The following CHD9 variants were observed in gnomAD, a reference collection of about 807,000 sequenced individuals.
CHD9 encodes the protein chromodomain helicase DNA binding protein 9.
CHD9 carries 77 observed loss-of-function variants against 316.1 expected under a neutral mutation model. The observed-to-expected ratio is 0.24, with a 90% CI of 0.20 to 0.29. The LOEUF (loss-of-function observed/expected upper bound fraction) is 0.29, where lower values mean the gene tolerates loss of function less well. Ranked by LOEUF, CHD9 falls within the 10% of genes least tolerant of loss-of-function variation. CHD9 has a pLI of 1.00. For missense variants in CHD9, 2,763 were observed against 3,438.1 expected (o/e 0.80, Z 4.91); for synonymous variants, 1,129 against 1,158.3 (o/e 0.97, Z 0.51).
Position 53,325,148 on chromosome 16 carries a change from G to T in CHD9, c.*253G>T. 1 of 316,166 alleles carries T rather than the reference G, an allele frequency of 3.2e-6. No homozygotes were observed. 19.6% of individuals were successfully genotyped at this position (316,166 alleles called of 1,614,324 possible). A position where few individuals can be genotyped will look rare whatever the true frequency, so the allele number is the denominator to read the frequency against. On this transcript the variant is annotated 3_prime_UTR_variant, in exon 39 of 39. Transcript: ENST00000447540. ...AACAAAAGGCATTATAATTTTGTTG[G>T]GGGTTAATTTTATGAAAATTATGCT...
At chr16:53,104,811 CAA>C (rs11391135) in intron 1 of CHD9, among the ~76,000 whole-genome samples, 27 of 113,478 alleles carry the variant, frequency 2.4e-4, no homozygotes, top group Admixed American at 5.0e-4. Context: ...AACTCTGTCT[CAA>C]AAAAAAAAAA....
intron 17 of CHD9, among the ~76,000 whole-genome samples, chr16:53,253,947 C>T (rs1266495252): frequency 2.0e-5 from 3 of 152,214 alleles, no homozygotes; most frequent in South Asian, 2.1e-4. Context: ...GAGGTTGGGG[C>T]GGGTGGATCA....
Position 53,307,808 on chromosome 16 carries a change from G to T in CHD9, c.6908G>T (p.Ser2303Ile), listed in dbSNP as rs755723208. 7.4e-6 allele frequency: 12 copies of T among 1,613,524 alleles called. No homozygotes were observed. Among genetic ancestry groups the T allele is most frequent in the African/African-American group, 1.3e-5 (1 of 74,930 alleles). ...TTCTATACCACAAAACTGCTGGACA[G>T]CCCTGGAGCAGCTACAGAATACAGC... Reference protein sequence around the residue: ...ASFYTTKLLDSPGAATEYSDP... With the variant: ...ASFYTTKLLDIPGAATEYSDP... Residue 2303 changes from serine (S) to isoleucine (I), a missense_variant, in exon 33 of 39, where the codon AGC becomes ATC. This residue lies in a region of CHD9 where 663 missense variants were observed against 751.2 expected (regional missense o/e 0.88). Transcript: ENST00000447540.
At chr16:53,114,005 A>G (rs1455947863) in intron 1 of CHD9, among the ~76,000 whole-genome samples, 2 of 151,938 alleles carry the variant, frequency 1.3e-5, no homozygotes, top group Non-Finnish European at 2.9e-5. Flanking sequence ...CCCAACCTTT[A>G]TTAACATATG....
At chr16:53,195,651 G>A (rs1410864320) in intron 2 of CHD9, among the ~76,000 whole-genome samples, 1 of 151,988 alleles carries the variant, frequency 6.6e-6, no homozygotes, top group Admixed American at 6.6e-5. Context: ...GCTCAGAGAA[G>A]GCCTAAGCGC....
In CHD9 at chr16:53,324,628, T is replaced by C. The variant is rs1454942900; in HGVS notation, c.8427T>C (p.Thr2809=). 2 of 1,613,628 alleles carry C rather than the reference T, an allele frequency of 1.2e-6. No homozygotes were observed. Among genetic ancestry groups the C allele is most frequent in the Non-Finnish European group, 1.7e-6 (2 of 1,179,812 alleles). ...SNILYPGMLL[T]PGLNLHIPTL... is the part of the protein sequence containing the mutation. ...TACTTTATCCAGGGATGCTTCTCAC[T>C]CCAGGCCTTAATCTTCATATTCCAA... Residue 2809 remains threonine (T), a synonymous_variant, in exon 39 of 39, where the codon ACT becomes ACC. Coordinates refer to ENST00000447540, the MANE Select transcript of CHD9 (RefSeq NM_001308319.2).
At chr16:53,302,673 C>CTTACATCT (rs2055553973) in intron 30 of CHD9, among the ~76,000 whole-genome samples, 1 of 152,072 alleles carries the variant, frequency 6.6e-6, no homozygotes, top group Non-Finnish European at 1.5e-5. Flanking sequence ...AAGGATGTTT[C>CTTACATCT]ATTCTCTCTC....
In CHD9 at chr16:53,099,935, G is replaced by A. The variant is rs925360700; in HGVS notation, c.-165+44858G>A. On this transcript the variant is annotated intron_variant, in intron 1 of 38. Coordinates refer to ENST00000447540, the MANE Select transcript of CHD9 (RefSeq NM_001308319.2). ...TTAGGAGGCTGGTGGCTGTGTGCAG[G>A]GCGGGGGAGGAGGAGGTGGGGAGTT... 2.9e-4 allele frequency among the ~76,000 whole-genome samples: 44 copies of A among 152,354 alleles called. 1 individual carries two copies. In the Middle Eastern group the frequency reaches 0.01, roughly 35 times the overall value.
intron 1 of CHD9, among the ~76,000 whole-genome samples, chr16:53,072,333 T>TA (rs779430855): frequency 1.8e-4 from 27 of 151,326 alleles, no homozygotes; most frequent in Admixed American, 3.9e-4. Context: ...TTTTTTTTTT[T>TA]ATAATTGGGA....
chr16:53,111,137 C>G (rs117149766), intron 1 of CHD9, among the ~76,000 whole-genome samples: 1 of 152,164 alleles, frequency 6.6e-6, no homozygotes, highest in Non-Finnish European at 1.5e-5. Flanking sequence ...GTCCCACAAA[C>G]TCACTGTGCA....
intron 1 of CHD9, among the ~76,000 whole-genome samples, chr16:53,094,640 T>TC (rs2036230321): frequency 7.2e-6 from 1 of 138,198 alleles, no homozygotes; most frequent in Non-Finnish European, 1.7e-5. Flanking sequence ...GTTTACTTTT[T>TC]CTTTTTTTTT....
intron 2 of CHD9, among the ~76,000 whole-genome samples, chr16:53,178,639 CG>C (rs1388803781): frequency 2.0e-5 from 3 of 151,666 alleles, no homozygotes; most frequent in African/African-American, 7.3e-5. Flanking sequence ...TTTTTTTATT[CG>C]TTGTAGAGAT....
Position 53,155,975 on chromosome 16 carries a change from G to T in CHD9, c.-115G>T. 1.1e-6 allele frequency: 1 copy of T among 888,430 alleles called. No homozygotes were observed. Among genetic ancestry groups the T allele is most frequent in the Non-Finnish European group, 1.7e-6 (1 of 589,670 alleles). 55.0% of individuals were successfully genotyped at this position (888,430 alleles called of 1,614,324 possible). ...ATTATTTAGAGCAATAATGAATATTGACCTGTTTTGGATTAGTTGATGACC... is the reference window on the plus strand; with the variant it reads ...ATTATTTAGAGCAATAATGAATATTTACCTGTTTTGGATTAGTTGATGACC... On this transcript the variant is annotated 5_prime_UTR_variant, in exon 2 of 39. Transcript: ENST00000447540.
At chr16:53,095,041 T>C (rs1003622285) in intron 1 of CHD9, among the ~76,000 whole-genome samples, 2 of 152,192 alleles carry the variant, frequency 1.3e-5, no homozygotes, top group Non-Finnish European at 2.9e-5. Flanking sequence ...CTGCATCTGG[T>C]AATTTGTTAT....
chr16:53,110,499 G>A (rs537743201), intron 1 of CHD9, among the ~76,000 whole-genome samples: 2 of 152,264 alleles, frequency 1.3e-5, no homozygotes, highest in South Asian at 2.1e-4. Context: ...CGTAGCTCAC[G>A]CCTGTAATCC....
chr16:53,123,422 G>A (rs542695579), intron 1 of CHD9, among the ~76,000 whole-genome samples: 2 of 151,874 alleles, frequency 1.3e-5, no homozygotes, highest in South Asian at 2.1e-4. Flanking sequence ...ACTTTATTCT[G>A]GACATTTCAT....
At position 53,314,803 on chromosome 16, in the gene CHD9, C is replaced by G. The variant is rs758629330; in HGVS notation, c.7363-20C>G. On this transcript the variant is annotated intron_variant, in intron 35 of 38. Coordinates refer to ENST00000447540, the MANE Select transcript of CHD9 (RefSeq NM_001308319.2). ...TGATAAAGTATGAAAATAAAGATACCATTTGGTGTTTTTTTACAGGTTTCT... is the reference window on the plus strand; with the variant it reads ...TGATAAAGTATGAAAATAAAGATACGATTTGGTGTTTTTTTACAGGTTTCT... The G allele has an allele frequency of 8.0e-6, 12 of 1,497,758 alleles. No homozygotes were observed. Among genetic ancestry groups the G allele is most frequent in the Non-Finnish European group, 1.1e-5 (12 of 1,086,774 alleles). 92.8% of individuals were successfully genotyped at this position (1,497,758 alleles called of 1,614,324 possible).
chr16:53,272,490 G>A (rs1358341962), intron 22 of CHD9, among the ~76,000 whole-genome samples: 1 of 152,002 alleles, frequency 6.6e-6, no homozygotes, highest in Non-Finnish European at 1.5e-5. Flanking sequence ...ATTGCAAGAG[G>A]AGTCAAAACT....
intron 2 of CHD9, among the ~76,000 whole-genome samples, chr16:53,195,497 G>A (rs939923492): frequency 1.4e-4 from 22 of 152,184 alleles, no homozygotes; most frequent in African/African-American, 5.3e-4. Context: ...TCACAAAACT[G>A]CAACCAAGGT....
Sources: allele counts gnomAD v4.1 joint callset (sites outside exome capture counted in the v4.1 genomes callset), GRCh38; gene constraint gnomAD v4.1.1; regional missense constraint gnomAD v4.1.1; transcripts MANE v1.5; gene names NCBI Gene and HGNC (gene_info 2026-07-23, HGNC 2026-07-21).